The following DSC2 variants were observed in gnomAD, a reference collection of about 807,000 sequenced individuals.
DSC2 encodes the protein desmocollin 2.
DSC2 carries 51 observed loss-of-function variants against 87.6 expected under a neutral mutation model. The ratio of observed to expected loss-of-function variants is 0.58; its 90% CI spans 0.46 to 0.74. The LOEUF (loss-of-function observed/expected upper bound fraction) is 0.74, where lower values mean the gene tolerates loss of function less well. Ranked by LOEUF, DSC2 falls within the 30% of genes least tolerant of loss-of-function variation. The probability of loss-of-function intolerance (pLI) is 0.00; values close to 1 mark genes in which losing one functional copy is unlikely to be tolerated. For synonymous variants in DSC2, 383 were observed against 393.2 expected (o/e 0.97, Z 0.31); for missense variants, 1,066 against 1,089.5 (o/e 0.98, Z 0.30).
Position 31,059,549 on chromosome 18 carries a change from A to G in DSC2, c.*8466T>C, listed in dbSNP as rs1215489644. 2 of 152,188 alleles carry G rather than the reference A, an allele frequency of 1.3e-5. No homozygotes were observed. The highest frequency in any genetic ancestry group is 4.8e-5 in the African/African-American group (2 of 41,462). 9.4% of individuals were successfully genotyped at this position (152,188 alleles called of 1,614,324 possible). On this transcript the variant is annotated 3_prime_UTR_variant, in exon 16 of 16. Transcript: ENST00000280904. ...TTCTTCACAGGCCTGTAAGCTCCCC[A>G]AATTCTAAAGCCTGTGAGTTTTTCT... is the stretch of plus-strand genomic sequence containing the variant.
At chr18:31,082,850 G>T in intron 8 of DSC2, 76 bp downstream of exon 8, 2 of 1,537,416 alleles carry the variant, frequency 1.3e-6, no homozygotes, top group Non-Finnish European at 1.8e-6. Context: ...GAGCCACTGC[G>T]CCAGGCCAGA....
At chr18:31,079,822 A>G in intron 11 of DSC2, 25 bp downstream of exon 11, 1 of 1,613,702 alleles carries the variant, frequency 6.2e-7, no homozygotes, top group Non-Finnish European at 8.5e-7. Flanking sequence ...GGAAGTATGT[A>G]GCTGGCTTAA....
At chr18:31,070,965 C>T (rs1598572632) in intron 13 of DSC2, 115 bp from the exon 14 acceptor site, 1 of 1,300,706 alleles carries the variant, frequency 7.7e-7, no homozygotes. Flanking sequence ...TAAAAGAAGA[C>T]AGCTTTCCTG....
In DSC2 at chr18:31,097,835, G is replaced by A. The variant is rs184239880; in HGVS notation, c.69+4068C>T. ...AGTCAACCACATACTTGCCTACATCGCACGTTGTTGAACTTTTGGGTGTCT... is the reference window on the plus strand; with the variant it reads ...AGTCAACCACATACTTGCCTACATCACACGTTGTTGAACTTTTGGGTGTCT... On this transcript the variant is annotated intron_variant, in intron 1 of 15. Coordinates refer to ENST00000280904, the MANE Select transcript of DSC2 (RefSeq NM_024422.6). 3.2e-4 allele frequency among the ~76,000 whole-genome samples: 49 copies of A among 151,750 alleles called. 5 individuals are homozygous for A. Among genetic ancestry groups the A allele is most frequent in the African/African-American group, 1.0e-3 (43 of 41,102 alleles).
chr18:31,074,013 C>T (rs990532715), intron 12 of DSC2, among the ~76,000 whole-genome samples: 1 of 152,200 alleles, frequency 6.6e-6, no homozygotes, highest in Admixed American at 6.5e-5. Flanking sequence ...CCATCAGCAC[C>T]TTCCGGGATT....
At chr18:31,074,389 G>C (rs1252155398) in intron 12 of DSC2, among the ~76,000 whole-genome samples, 1 of 151,324 alleles carries the variant, frequency 6.6e-6, no homozygotes, top group Non-Finnish European at 1.5e-5. Flanking sequence ...ATTAGACCAA[G>C]TCTAAGAGAG....
chr18:31,069,714 C>CAAAAAAAAAAAAAAAAAAAAAA (rs199681007), intron 14 of DSC2, among the ~76,000 whole-genome samples: 1 of 85,314 alleles, frequency 1.2e-5, no homozygotes. Flanking sequence ...GATCTTGTCT[C>CAAAAAAAAAAAAAAAAAAAAAA]AAAAAAAAAA....
chr18:31,084,419 T>A (rs1397408126), intron 7 of DSC2, among the ~76,000 whole-genome samples: 1 of 152,154 alleles, frequency 6.6e-6, no homozygotes, highest in Non-Finnish European at 1.5e-5. Flanking sequence ...TGAAGTTTGA[T>A]ACCCTAAGTA....
intron 3 of DSC2, chr18:31,091,398 G>C: frequency 1.7e-6 from 1 of 586,174 alleles, no homozygotes; most frequent in South Asian, 1.6e-5. Flanking sequence ...AGATGGAACT[G>C]GAAGCCTAGA....
intron 1 of DSC2, among the ~76,000 whole-genome samples, chr18:31,099,485 T>C (rs1987865251): frequency 6.6e-6 from 1 of 151,720 alleles, no homozygotes; most frequent in Non-Finnish European, 1.5e-5. Flanking sequence ...GTTAGGAGGG[T>C]AGATCTCATG....
intron 9 of DSC2, 124 bp downstream of exon 9, chr18:31,082,114 C>CATTTACTTATATACCT: frequency 1.2e-6 from 1 of 815,488 alleles, no homozygotes; most frequent in Non-Finnish European, 1.9e-6. Flanking sequence ...AAGAACAGAG[C>CATTTACTTATATACCT]ATTTGCATTT....
chr18:31,085,817 T>A (rs778480891), intron 7 of DSC2, among the ~76,000 whole-genome samples: 1 of 152,096 alleles, frequency 6.6e-6, no homozygotes, highest in Non-Finnish European at 1.5e-5. Context: ...GAAACTGCTA[T>A]AAGAATTTAG....
At chr18:31,092,886 G>A (rs1260166885) in intron 2 of DSC2, among the ~76,000 whole-genome samples, 4 of 151,970 alleles carry the variant, frequency 2.6e-5, no homozygotes. Context: ...CAATTTTTTA[G>A]AGGCATGTTA....
rs1251610299 is a variant in DSC2, at chr18:31,067,194, GAAGAA to G, written c.*816_*820del. On this transcript the variant is annotated 3_prime_UTR_variant, in exon 16 of 16. Transcript: ENST00000280904. ...AAAAGGAATAATTCACTTTATGAGA[GAAGAA>G]AAGAGAGACAGATTTTTAAAATATT... 2 of 146,970 alleles carry G rather than the reference GAAGAA, an allele frequency of 1.4e-5. No individual in the cohort carries two copies. Among genetic ancestry groups the G allele is most frequent in the African/African-American group, 2.5e-5 (1 of 40,032 alleles). The allele number at this position is 146,970 out of a possible 1,614,324, so 9.1% of individuals were successfully genotyped here.
intron 9 of DSC2, 130 bp from the exon 10 acceptor site, chr18:31,080,482 C>T (rs1051144709): frequency 7.2e-6 from 8 of 1,110,386 alleles, no homozygotes; most frequent in Non-Finnish European, 1.0e-5. Context: ...GAATATGAAA[C>T]ATATATCCAG....
rs2144780108 is a variant in DSC2, at chr18:31,067,872, G to A, written c.*143C>T. The A allele has an allele frequency of 1.3e-6, 1 of 745,686 alleles. No individual in the cohort carries two copies. The highest frequency in any genetic ancestry group is 3.7e-4 in the Middle Eastern group (1 of 2,682). The allele number at this position is 745,686 out of a possible 1,614,324, so 46.2% of individuals were successfully genotyped here. A position where few individuals can be genotyped will look rare whatever the true frequency, so the allele number is the denominator to read the frequency against. On this transcript the variant is annotated 3_prime_UTR_variant, in exon 16 of 16. Transcript: ENST00000280904. ...TTGTTTATAGTGTCTCTCTGTAAAT[G>A]TGCATTTGACCAAAGAGATTCCATC...
chr18:31,061,938 A>G lies in DSC2; in HGVS notation c.*6077T>C, dbSNP rs1986510065. 6.6e-6 allele frequency: 1 copy of G among 152,148 alleles called. No individual in the cohort carries two copies. The highest frequency in any genetic ancestry group is 2.1e-4 in the South Asian group (1 of 4,836). The allele number at this position is 152,148 out of a possible 1,614,324, so 9.4% of individuals were successfully genotyped here. ...GAGGAAATAATAAAGGGGGTCATACAACTGATCCCCTCTCCCCAGAAAGCA... is the reference window on the plus strand; with the variant it reads ...GAGGAAATAATAAAGGGGGTCATACGACTGATCCCCTCTCCCCAGAAAGCA... On this transcript the variant is annotated 3_prime_UTR_variant, in exon 16 of 16. Coordinates refer to ENST00000280904, the MANE Select transcript of DSC2 (RefSeq NM_024422.6).
At chr18:31,069,244 T>C (rs1986746533) in intron 14 of DSC2, 93 bp from the exon 15 acceptor site, 10 of 1,502,238 alleles carry the variant, frequency 6.7e-6, no homozygotes, top group Non-Finnish European at 9.1e-6. Context: ...CCTTTTTTTG[T>C]GTGTATGCTA....
intron 1 of DSC2, among the ~76,000 whole-genome samples, chr18:31,097,798 C>G (rs180776919): frequency 6.6e-6 from 1 of 151,918 alleles, no homozygotes; most frequent in Non-Finnish European, 1.5e-5. Context: ...TTATACCCAC[C>G]AATAATTTAT....
Sources: gnomAD v4.1 joint callset for allele counts (sites outside exome capture counted in the v4.1 genomes callset) on GRCh38, gnomAD v4.1.1 for gene constraint, MANE v1.5 for transcripts, NCBI Gene and HGNC (gene_info 2026-07-23, HGNC 2026-07-21) for gene names.